Variants in ACOXL observed in about 807,000 individuals in gnomAD.
ACOXL encodes the protein acyl-coenzyme A oxidase-like protein.
Under a neutral mutation model 71.9 loss-of-function variants are expected in ACOXL, and 70 were observed. The observed-to-expected ratio is 0.97, with a 90% CI of 0.80 to 1.19. The LOEUF is 1.19. Ranked by LOEUF, ACOXL falls within the 50% of genes most tolerant of loss-of-function variation. The probability of loss-of-function intolerance (pLI) is 0.00; values close to 1 mark genes in which losing one functional copy is unlikely to be tolerated. For missense variants in ACOXL, 703 were observed against 736.3 expected, an observed-to-expected ratio of 0.95 and a Z score of 0.52; for synonymous variants, 253 against 281.6, an observed-to-expected ratio of 0.90 and a Z score of 1.02.
chr2:110,735,021 C>T (rs1019133524), intron 1 of ACOXL, among the ~76,000 whole-genome samples: 5 of 152,136 alleles, frequency 3.3e-5, no homozygotes, highest in Non-Finnish European at 7.4e-5. Flanking sequence ...CACACTTGCA[C>T]GCAAAGGGAA....
At chr2:111,053,608 A>C (rs924933890) in intron 16 of ACOXL, among the ~76,000 whole-genome samples, 1 of 152,222 alleles carries the variant, frequency 6.6e-6, no homozygotes, top group African/African-American at 2.4e-5. Flanking sequence ...CTTAAAAATC[A>C]GAGCCTCTGT....
chr2:110,948,994 A>T (rs538566280), intron 12 of ACOXL, among the ~76,000 whole-genome samples: 12 of 151,752 alleles, frequency 7.9e-5, no homozygotes, highest in African/African-American at 2.9e-4. Flanking sequence ...GGTCAGCTTG[A>T]CTTAGATCTG....
intron 2 of ACOXL, among the ~76,000 whole-genome samples, chr2:110,779,327 G>A (rs1267475017): frequency 6.6e-6 from 1 of 152,212 alleles, no homozygotes; most frequent in Non-Finnish European, 1.5e-5. Flanking sequence ...AGACATGGAG[G>A]ATGTGGTCAG....
intron 14 of ACOXL, among the ~76,000 whole-genome samples, chr2:111,023,440 G>C (rs142278264): frequency 2.0e-5 from 3 of 152,082 alleles, no homozygotes; most frequent in African/African-American, 7.2e-5. Flanking sequence ...TGCTCATCCT[G>C]TTTTAATCAA....
intron 16 of ACOXL, among the ~76,000 whole-genome samples, chr2:111,072,231 A>G (rs772146187): frequency 2.0e-5 from 3 of 152,248 alleles, no homozygotes; most frequent in Non-Finnish European, 4.4e-5. Flanking sequence ...CTATGGCTCC[A>G]TAATTGTTCT....
intron 10 of ACOXL, among the ~76,000 whole-genome samples, chr2:110,889,600 C>T (rs1306144702): frequency 6.6e-6 from 1 of 152,148 alleles, no homozygotes; most frequent in African/African-American, 2.4e-5. Flanking sequence ...AATAGGTGGT[C>T]TTTTGGAACT....
Position 110,818,987 on chromosome 2 carries a change from G to A in ACOXL, c.753+13592G>A, listed in dbSNP as rs539501986. Among the ~76,000 whole-genome samples, 12 of 137,680 alleles carry A rather than the reference G, an allele frequency of 8.7e-5. 4 individuals are homozygous for A. The highest frequency in any genetic ancestry group is 5.1e-4 in the Admixed American group (7 of 13,844). 90.3% of individuals were successfully genotyped at this position (137,680 alleles called of 152,430 possible). On this transcript the variant is annotated intron_variant, in intron 9 of 17. Coordinates refer to ENST00000439055, the MANE Select transcript of ACOXL (RefSeq NM_001142807.4). ...ACACTGGAGAGCATAGTTCTATTCAGCACCTAAGGTACTGTCCGTTTCTGG... is the reference window on the plus strand; with the variant it reads ...ACACTGGAGAGCATAGTTCTATTCAACACCTAAGGTACTGTCCGTTTCTGG...
rs573010518 is a variant in ACOXL, at chr2:110,777,070, G to A, written c.76-7662G>A. 9.7e-4 allele frequency among the ~76,000 whole-genome samples: 147 copies of A among 152,116 alleles called. 1 individual carries two copies. Among genetic ancestry groups the A allele is most frequent in the Non-Finnish European group, 1.6e-3 (109 of 68,040 alleles). On this transcript the variant is annotated intron_variant, in intron 2 of 17. Transcript: ENST00000439055. The stretch of plus-strand genomic sequence containing the variant: ...TGAGCAACTCAACTAGAAGGATAGG[G>A]TCACCGTATACTGGGTGGGAAGCCT...
intron 9 of ACOXL, among the ~76,000 whole-genome samples, chr2:110,809,905 A>G (rs1687104960): frequency 6.6e-6 from 1 of 152,162 alleles, no homozygotes; most frequent in African/African-American, 2.4e-5. Context: ...GCATGCTGCC[A>G]CTGCTGTGAG....
chr2:110,917,512 C>G (rs1254291623), intron 11 of ACOXL, among the ~76,000 whole-genome samples: 1 of 152,240 alleles, frequency 6.6e-6, no homozygotes, highest in African/African-American at 2.4e-5. Flanking sequence ...GATGCCCTCT[C>G]TCACCACTCC....
intron 16 of ACOXL, among the ~76,000 whole-genome samples, chr2:111,074,785 G>C (rs1017969039): frequency 1.3e-5 from 2 of 151,954 alleles, no homozygotes; most frequent in African/African-American, 4.8e-5. Context: ...TTTAGAGACA[G>C]GGTTTCACCA....
intron 9 of ACOXL, among the ~76,000 whole-genome samples, chr2:110,836,395 G>A (rs184273112): frequency 2.6e-5 from 4 of 152,004 alleles, no homozygotes; most frequent in East Asian, 1.9e-4. Context: ...GTGGTATTCT[G>A]TGCCTGCCTG....
At chr2:110,858,301 A>T (rs1468031416) in intron 10 of ACOXL, among the ~76,000 whole-genome samples, 1 of 152,166 alleles carries the variant, frequency 6.6e-6, no homozygotes, top group Non-Finnish European at 1.5e-5. Context: ...ATGTTAGAGA[A>T]CAGGTGTCCT....
chr2:110,946,535 A>G (rs1248996369), intron 12 of ACOXL, among the ~76,000 whole-genome samples: 8 of 152,304 alleles, frequency 5.3e-5, no homozygotes, highest in Middle Eastern at 3.4e-3. Flanking sequence ...CCCAGAGACT[A>G]TGTCCAAACT....
intron 12 of ACOXL, among the ~76,000 whole-genome samples, chr2:110,943,277 A>T (rs200387335): frequency 6.8e-6 from 1 of 147,308 alleles, no homozygotes; most frequent in Non-Finnish European, 1.5e-5. Flanking sequence ...AGGGAGGGAA[A>T]GAAAGAAGGA....
intron 10 of ACOXL, chr2:110,886,631 G>A (rs1419972836): frequency 2.0e-5 from 19 of 968,620 alleles, no homozygotes; most frequent in South Asian, 1.7e-5. Context: ...CACCCACCTC[G>A]GCTTCTCAAA....
intron 11 of ACOXL, among the ~76,000 whole-genome samples, chr2:110,913,794 C>T (rs971301178): frequency 6.6e-6 from 1 of 152,160 alleles, no homozygotes; most frequent in African/African-American, 2.4e-5. Context: ...GGAGGAGGCA[C>T]ATCACATGGC....
At chr2:110,807,232 G>A (rs1229013314) in intron 9 of ACOXL, among the ~76,000 whole-genome samples, 1 of 152,220 alleles carries the variant, frequency 6.6e-6, no homozygotes, top group African/African-American at 2.4e-5. Flanking sequence ...CCGTGAACAG[G>A]CCATAGCGCT....
At chr2:110,732,815 G>A (rs1676334838) in intron 1 of ACOXL, 41 bp downstream of exon 1, 3 of 152,338 alleles carry the variant, frequency 2.0e-5, no homozygotes, top group Admixed American at 1.3e-4. Context: ...CGCCCCCGAA[G>A]CCGCCGAGCG....
Sources: gnomAD v4.1 joint callset for allele counts (sites outside exome capture counted in the v4.1 genomes callset) on GRCh38, gnomAD v4.1.1 for gene constraint, MANE v1.5 for transcripts, NCBI Gene and HGNC (gene_info 2026-07-23, HGNC 2026-07-21) for gene names.